MROH2B: variants seen among roughly 807,000 people sequenced by gnomAD.
MROH2B encodes maestro heat like repeat family member 2B.
A neutral mutation model predicts 208.6 loss-of-function variants in MROH2B; 177 were observed. The ratio of observed to expected loss-of-function variants is 0.85; its 90% CI spans 0.75 to 0.96. The LOEUF (loss-of-function observed/expected upper bound fraction) is 0.96, where lower values mean the gene tolerates loss of function less well. Ranked by LOEUF, MROH2B falls within the 40% of genes least tolerant of loss-of-function variation. MROH2B has a pLI of 0.00. For missense variants in MROH2B, 2,002 were observed against 1,878.7 expected (o/e 1.07, Z -1.21); for synonymous variants, 728 against 659.0 (o/e 1.10, Z -1.60).
At chr5:41,011,085 T>C (rs1160833) in intron 30 of MROH2B, among the ~76,000 whole-genome samples, 52,849 of 151,944 alleles carry the variant, frequency 0.35, 9,345 homozygotes, top group South Asian at 0.43. Flanking sequence ...CTCAGAGCAC[T>C]GGATGCCACC....
At chr5:41,000,455 G>T in intron 38 of MROH2B, 104 bp from the exon 39 acceptor site, 1 of 1,451,236 alleles carries the variant, frequency 6.9e-7, no homozygotes, top group Non-Finnish European at 9.2e-7. Context: ...AAAAGTCAGT[G>T]GTGTGAATGG....
At chr5:41,025,257 G>T (rs1467168001) in intron 24 of MROH2B, among the ~76,000 whole-genome samples, 1 of 151,874 alleles carries the variant, frequency 6.6e-6, no homozygotes, top group East Asian at 1.9e-4. Flanking sequence ...CTGGTTTTTT[G>T]AAAAGATCAA....
At chr5:41,058,246 T>A in intron 6 of MROH2B, 43 bp from the exon 7 acceptor site, 1 of 1,444,646 alleles carries the variant, frequency 6.9e-7, no homozygotes, top group Non-Finnish European at 9.2e-7. Context: ...AACTTCCTTA[T>A]GTTTTTCATA....
intron 6 of MROH2B, among the ~76,000 whole-genome samples, chr5:41,059,589 G>A (rs917503363): frequency 6.6e-6 from 1 of 152,128 alleles, no homozygotes; most frequent in Non-Finnish European, 1.5e-5. Flanking sequence ...TTAGCTGGGT[G>A]GTTCTTCCAC....
At chr5:41,023,542 T>C (rs890101645) in intron 24 of MROH2B, among the ~76,000 whole-genome samples, 2 of 152,154 alleles carry the variant, frequency 1.3e-5, no homozygotes, top group South Asian at 4.1e-4. Flanking sequence ...TGGGACTATG[T>C]GAAAAGACCA....
rs766590332 is a variant in MROH2B at position 41,045,802 on chromosome 5, G to A, written c.1780C>T (p.Leu594=). The stretch of plus-strand genomic sequence containing the variant: ...ATTTGCTGTTTGAAATCCTGAGTCA[G>A]CTGAATGGTCCAGGCCACATCACTG... ...KISDVAWTIQ[L]TQDFKQQMGS... is the part of the protein sequence containing the mutation. The change falls in exon 18 of 42, where the codon CTG becomes TTG. Residue 594 remains leucine, a synonymous_variant. Transcript: ENST00000399564. The A allele has an allele frequency of 9.3e-6, 15 of 1,613,532 alleles. No individual in the cohort carries two copies. In the South Asian group the frequency reaches 1.5e-4, roughly 17 times the overall value.
At chr5:41,042,307 T>C in intron 18 of MROH2B, 99 bp from the exon 19 acceptor site, 1 of 688,370 alleles carries the variant, frequency 1.5e-6, no homozygotes, top group South Asian at 1.8e-5. Context: ...AGGAAAGAAA[T>C]TGGGGTGACT....
chr5:41,018,503 GTC>G, intron 26 of MROH2B, 73 bp from the exon 27 acceptor site: 1 of 1,521,316 alleles, frequency 6.6e-7, no homozygotes, highest in African/African-American at 1.4e-5. Flanking sequence ...CTCTTTTTCT[GTC>G]TCTGCCTCTT....
At chr5:40,999,807 G>A in intron 39 of MROH2B, 28 bp from the exon 40 acceptor site, 1 of 1,597,040 alleles carries the variant, frequency 6.3e-7, no homozygotes, top group Non-Finnish European at 8.6e-7. Context: ...TTCAAAGAGG[G>A]CAACTGGAAA....
chr5:41,007,116 T>G (rs1741619439), intron 34 of MROH2B, among the ~76,000 whole-genome samples, 198 bp downstream of exon 34: 1 of 152,214 alleles, frequency 6.6e-6, no homozygotes, highest in African/African-American at 2.4e-5. Flanking sequence ...ATCATGTTTC[T>G]TGAGGTGAGT....
At chr5:40,998,227 C>A in intron 41 of MROH2B, 69 bp from the exon 42 acceptor site, 2 of 1,308,686 alleles carry the variant, frequency 1.5e-6, no homozygotes, top group African/African-American at 1.4e-5. Flanking sequence ...GCAAACCAAG[C>A]CAAGGCCCAA....
At chr5:41,065,212 A>G (rs1025323453) in intron 4 of MROH2B, 119 bp downstream of exon 4, 2 of 1,024,216 alleles carry the variant, frequency 2.0e-6, no homozygotes, top group Non-Finnish European at 2.7e-6. Context: ...CTCTGTCAAT[A>G]TTTCTTGGTA....
At chr5:41,047,947 T>C (rs183279035) in intron 16 of MROH2B, among the ~76,000 whole-genome samples, 183 bp from the exon 17 acceptor site, 1 of 152,344 alleles carries the variant, frequency 6.6e-6, no homozygotes, top group East Asian at 1.9e-4. Flanking sequence ...AGAGAAGGTC[T>C]TCAATCTATC....
chr5:41,065,783 T>A (rs1743790820), intron 3 of MROH2B, among the ~76,000 whole-genome samples: 1 of 152,098 alleles, frequency 6.6e-6, no homozygotes, highest in South Asian at 2.1e-4. Context: ...AAAAGTGCAA[T>A]CAAGTTACCT....
At chr5:41,026,004 T>C (rs1239616406) in intron 24 of MROH2B, among the ~76,000 whole-genome samples, 1 of 152,146 alleles carries the variant, frequency 6.6e-6, no homozygotes, top group African/African-American at 2.4e-5. Context: ...TGCTAAAAAC[T>C]CTCAATAAAC....
intron 3 of MROH2B, 43 bp downstream of exon 3, chr5:41,067,065 G>A (rs1468625727): frequency 8.9e-7 from 1 of 1,120,064 alleles, no homozygotes; most frequent in East Asian, 2.6e-5. Context: ...GGGTGCAGTT[G>A]GGTCACATAA....
chr5:41,018,767 A>G lies in MROH2B; in HGVS notation c.2597T>C (p.Met866Thr), dbSNP rs1296370495. 5 of 1,613,772 alleles carry G rather than the reference A, an allele frequency of 3.1e-6. No homozygotes were observed. Among genetic ancestry groups the G allele is most frequent in the East Asian group, 2.2e-5 (1 of 44,890 alleles). The change falls in exon 26 of 42, where the codon ATG becomes ACG. Residue 866 changes from methionine (M) to threonine (T), a missense_variant. Coordinates refer to ENST00000399564, the MANE Select transcript of MROH2B (RefSeq NM_173489.5). The stretch of plus-strand genomic sequence containing the variant: ...CTTCAGAAGTTTTCCTAGGGCGTCC[A>G]TGGATCGTTCATAGAGAAACTGAAA... Reference protein sequence around the residue: ...EHIQFLYERSMDALGKLLKTM... With the variant: ...EHIQFLYERSTDALGKLLKTM...
chr5:41,040,402 C>T (rs1279036950), intron 19 of MROH2B, among the ~76,000 whole-genome samples: 1 of 152,174 alleles, frequency 6.6e-6, no homozygotes, highest in African/African-American at 2.4e-5. Flanking sequence ...ATCATGAAAA[C>T]TCGTAGACTA....
rs180949934 is a variant in MROH2B, at chr5:41,000,387, C to G, written c.4351-36G>C. On this transcript the variant is annotated intron_variant, in intron 38 of 41. Transcript: ENST00000399564. The stretch of plus-strand genomic sequence containing the variant: ...GAGTTTTCTGCATCACAGTCCAGAA[C>G]GTTAGGATCTCCTTCCAGAAGGGAA... 4 of 1,604,668 alleles carry G rather than the reference C, an allele frequency of 2.5e-6. No homozygotes were observed. In the Admixed American group the frequency reaches 6.9e-5, roughly 28 times the overall value.
Sources: allele counts gnomAD v4.1 joint callset (sites outside exome capture counted in the v4.1 genomes callset), GRCh38; gene constraint gnomAD v4.1.1; transcripts MANE v1.5; gene names NCBI Gene and HGNC (gene_info 2026-07-23, HGNC 2026-07-21).